Variants in GLIS1 observed in about 807,000 individuals in gnomAD.
The protein encoded by GLIS1 is GLIS family zinc finger 1, also known as zinc finger protein GLIS1.
A neutral mutation model predicts 63.8 loss-of-function variants in GLIS1; 24 were observed. That is an observed-to-expected ratio of 0.38 (90% CI 0.27 to 0.53). The LOEUF (loss-of-function observed/expected upper bound fraction) is 0.53. Ranked by LOEUF, GLIS1 falls within the 20% of genes least tolerant of loss-of-function variation. The pLI is 0.85. For synonymous variants in GLIS1, 450 were observed against 482.5 expected (o/e 0.93, Z 0.88); for missense variants, 1,036 against 1,074.1 (o/e 0.96, Z 0.50).
chr1:53,699,123 G>A (rs1046040676), intron 2 of GLIS1, among the ~76,000 whole-genome samples: 162 of 151,762 alleles, frequency 1.1e-3, no homozygotes, highest in African/African-American at 3.6e-3. Flanking sequence ...AGAGTGCAGT[G>A]GCATGATCTC....
intron 4 of GLIS1, among the ~76,000 whole-genome samples, chr1:53,573,222 AT>A (rs1238032446): frequency 6.6e-6 from 1 of 152,148 alleles, no homozygotes; most frequent in Non-Finnish European, 1.5e-5. Context: ...CACTTTGGGG[AT>A]GGAAACCTCA....
intron 2 of GLIS1, among the ~76,000 whole-genome samples, chr1:53,675,334 G>A (rs1646199776): frequency 6.6e-6 from 1 of 152,182 alleles, no homozygotes; most frequent in South Asian, 2.1e-4. Flanking sequence ...CTTTAGAGAT[G>A]TGGCTCAGAG....
rs894829214 is a variant in GLIS1 at position 53,539,452 on chromosome 1, C to T, written c.1321-9500G>A. Reference sequence around the variant, plus strand: ...ACACCATACCACACATCACAGCACACCCCCAATACATACACATCATACCTC... The same window carrying T: ...ACACCATACCACACATCACAGCACATCCCCAATACATACACATCATACCTC... On this transcript the variant is annotated intron_variant, in intron 4 of 10. Transcript: ENST00000628545. This position sits in a 1 kb window ranked among gnomAD's most constrained non-coding sequence, Gnocchi z 5.0. Among the ~76,000 whole-genome samples the T allele has an allele frequency of 6.6e-6, 1 of 150,788 alleles. No homozygotes were observed. Among genetic ancestry groups the T allele is most frequent in the African/African-American group, 2.4e-5 (1 of 40,842 alleles).
chr1:53,686,106 T>C (rs1230524309), intron 2 of GLIS1, among the ~76,000 whole-genome samples: 1 of 152,164 alleles, frequency 6.6e-6, no homozygotes, highest in Non-Finnish European at 1.5e-5. Flanking sequence ...CATTGTTCCT[T>C]CCATCTCTCC....
intron 2 of GLIS1, among the ~76,000 whole-genome samples, chr1:53,722,795 T>C (rs940297859): frequency 6.7e-6 from 1 of 148,420 alleles, no homozygotes; most frequent in African/African-American, 2.5e-5. Flanking sequence ...ATTGGGCCAC[T>C]GCACTCCACC....
At chr1:53,680,580 T>C (rs1261479775) in intron 2 of GLIS1, among the ~76,000 whole-genome samples, 6 of 152,260 alleles carry the variant, frequency 3.9e-5, no homozygotes, top group Non-Finnish European at 5.9e-5. Flanking sequence ...CTGTGAACTG[T>C]AGACCACATG....
chr1:53,622,255 C>T (rs1170132522), intron 2 of GLIS1, among the ~76,000 whole-genome samples: 1 of 151,700 alleles, frequency 6.6e-6, no homozygotes, highest in South Asian at 2.1e-4. Context: ...TGGTGAAACC[C>T]TGTCTCTACT....
At chr1:53,620,508 T>C (rs545929653) in intron 2 of GLIS1, among the ~76,000 whole-genome samples, 32 of 152,246 alleles carry the variant, frequency 2.1e-4, no homozygotes, top group Non-Finnish European at 4.7e-4. Context: ...GGCTTGGCCA[T>C]GAATGAGTAC....
At chr1:53,608,816 AG>A (rs1311528249) in intron 2 of GLIS1, among the ~76,000 whole-genome samples, 3 of 152,198 alleles carry the variant, frequency 2.0e-5, no homozygotes, top group Non-Finnish European at 4.4e-5. Flanking sequence ...ATAGTGCCAC[AG>A]TGAATGGCTC....
intron 2 of GLIS1, among the ~76,000 whole-genome samples, chr1:53,650,925 T>C (rs1311869900): frequency 6.6e-6 from 1 of 152,168 alleles, no homozygotes; most frequent in Non-Finnish European, 1.5e-5. Flanking sequence ...CATCGAACAC[T>C]GGCCCAGGGA....
intron 2 of GLIS1, among the ~76,000 whole-genome samples, chr1:53,705,068 G>C (rs1646564323): frequency 6.6e-6 from 1 of 152,202 alleles, no homozygotes. Flanking sequence ...GAGTGAAGGA[G>C]GCATTTTGCT....
At chr1:53,531,256 C>A (rs1020297136) in intron 4 of GLIS1, among the ~76,000 whole-genome samples, 1 of 152,186 alleles carries the variant, frequency 6.6e-6, no homozygotes, top group African/African-American at 2.4e-5. Flanking sequence ...GAGCACCTAA[C>A]CCAGATTAGG....
intron 7 of GLIS1, 87 bp downstream of exon 7, chr1:53,520,547 C>A: frequency 7.1e-7 from 1 of 1,403,440 alleles, no homozygotes; most frequent in Non-Finnish European, 9.4e-7. Context: ...ATGTGGGCGG[C>A]CCACTGAGCA....
rs1412533917 is a variant in GLIS1 at position 53,738,052 on chromosome 1, C to A, written c.13G>T (p.Val5Leu). ...CTCTTGTCCGAGTGTGCCTCAGCCA[C>A]CTCGCAATGCATGGCGCCGGGGCGG... is the stretch of plus-strand genomic sequence containing the variant. MHCEVAEAHSDKRPK... is the reference protein window; with the variant it reads MHCELAEAHSDKRPK... Residue 5 changes from valine to leucine, a missense_variant, in exon 2 of 11, where the codon GTG becomes TTG. Around this residue, in one of 3 missense-constraint regions of GLIS1, gnomAD observed 592 missense variants for 593.9 expected, o/e 1.00. Transcript: ENST00000628545. The A allele has an allele frequency of 1.6e-6, 2 of 1,230,594 alleles. No individual in the cohort carries two copies. The highest frequency in any genetic ancestry group is 3.1e-5 in the African/African-American group (2 of 64,456). The allele number at this position is 1,230,594 out of a possible 1,614,324, so 76.2% of individuals were successfully genotyped here.
At chr1:53,597,536 A>G (rs1454733860) in intron 3 of GLIS1, among the ~76,000 whole-genome samples, 1 of 152,076 alleles carries the variant, frequency 6.6e-6, no homozygotes, top group Non-Finnish European at 1.5e-5. Context: ...TATTAGTATT[A>G]GAGAGTTAGG....
intron 2 of GLIS1, among the ~76,000 whole-genome samples, chr1:53,691,429 T>C (rs1337766267): frequency 1.3e-5 from 2 of 152,140 alleles, no homozygotes; most frequent in African/African-American, 4.8e-5. Flanking sequence ...GCCCTCAGAA[T>C]CCTGGGCCCA....
At chr1:53,652,828 T>C (rs1412063124) in intron 2 of GLIS1, among the ~76,000 whole-genome samples, 1 of 152,104 alleles carries the variant, frequency 6.6e-6, no homozygotes, top group Admixed American at 6.5e-5. Flanking sequence ...CCCCTAAAAA[T>C]GAGGCAGGGG....
At chr1:53,632,396 G>A (rs1213723190) in intron 2 of GLIS1, among the ~76,000 whole-genome samples, 2 of 149,706 alleles carry the variant, frequency 1.3e-5, no homozygotes, top group Non-Finnish European at 3.0e-5. Context: ...ACTGAGGGGT[G>A]TTTGAGTGTG....
At chr1:53,737,143 G>A (rs1275777563) in intron 2 of GLIS1, among the ~76,000 whole-genome samples, 1 of 152,188 alleles carries the variant, frequency 6.6e-6, no homozygotes, top group African/African-American at 2.4e-5. Flanking sequence ...CCGACTTTGA[G>A]CCCATAAGCC....
Sources: allele counts gnomAD v4.1 joint callset (sites outside exome capture counted in the v4.1 genomes callset), GRCh38; gene constraint gnomAD v4.1.1; regional missense constraint gnomAD v4.1.1; non-coding constraint Gnocchi (gnomAD v3.1); transcripts MANE v1.5; gene names NCBI Gene and HGNC (gene_info 2026-07-23, HGNC 2026-07-21).